TMEM117: variants seen among roughly 807,000 people sequenced by gnomAD.
TMEM117 encodes the protein transmembrane protein 117.
Under a neutral mutation model 52.4 loss-of-function variants are expected in TMEM117, and 27 were observed. That is an observed-to-expected ratio of 0.51 (90% CI 0.38 to 0.71). The LOEUF is 0.71. Among genes scored for constraint, TMEM117 ranks in the 30% least tolerant of loss-of-function variants. TMEM117 has a pLI of 0.00. For missense variants in TMEM117, 556 were observed against 630.5 expected (o/e 0.88, Z 1.26); for synonymous variants, 215 against 206.3 (o/e 1.04, Z -0.36).
chr12:43,830,811 C>T, the TMEM117 span, among the ~76,000 whole-genome samples: 639 of 152,146 alleles, frequency 4.2e-3, 1 homozygote, highest in Middle Eastern at 0.01. Flanking sequence ...ACATACCAGA[C>T]CAAATGCTAA....
chr12:43,880,229 C>T (rs971773569), intron 2 of TMEM117, among the ~76,000 whole-genome samples: 1 of 152,240 alleles, frequency 6.6e-6, no homozygotes, highest in South Asian at 2.1e-4. Flanking sequence ...TACCCACTAT[C>T]GTAAGGCATT....
chr12:43,888,739 G>A (rs1408724993), intron 2 of TMEM117, among the ~76,000 whole-genome samples: 3 of 151,530 alleles, frequency 2.0e-5, no homozygotes, highest in South Asian at 2.1e-4. Context: ...TAGTAGAGAC[G>A]GGGTTTCACC....
At chr12:44,364,712 T>C (rs570675379) in intron 6 of TMEM117, among the ~76,000 whole-genome samples, 1 of 152,164 alleles carries the variant, frequency 6.6e-6, no homozygotes, top group Admixed American at 6.5e-5. Context: ...TAAGATAAAA[T>C]AGTTTGTTAG....
chr12:43,865,019 C>T (rs910105278), intron 2 of TMEM117, among the ~76,000 whole-genome samples: 3 of 152,092 alleles, frequency 2.0e-5, no homozygotes, highest in Admixed American at 6.5e-5. Flanking sequence ...TCTGCAGCTT[C>T]ACTCCTGAGG....
chr12:43,955,783 A>C (rs1945296273), intron 3 of TMEM117, among the ~76,000 whole-genome samples: 1 of 152,224 alleles, frequency 6.6e-6, no homozygotes, highest in Admixed American at 6.5e-5. Flanking sequence ...AATTAGAAAA[A>C]TCTATTTTAA....
chr12:43,996,866 C>T (rs1946040011), intron 3 of TMEM117, among the ~76,000 whole-genome samples: 1 of 152,118 alleles, frequency 6.6e-6, no homozygotes, highest in African/African-American at 2.4e-5. Flanking sequence ...AACTTGGAAC[C>T]TCCCTGGTAG....
At chr12:43,939,105 C>T (rs975019108) in intron 2 of TMEM117, among the ~76,000 whole-genome samples, 17 of 152,106 alleles carry the variant, frequency 1.1e-4, no homozygotes, top group African/African-American at 1.9e-4. Flanking sequence ...TTTTTGTTTT[C>T]GCTTTTGTTA....
intron 4 of TMEM117, among the ~76,000 whole-genome samples, chr12:44,146,781 T>C (rs539366561): frequency 7.9e-5 from 12 of 152,204 alleles, no homozygotes; most frequent in African/African-American, 2.2e-4. Context: ...TGAATATCAA[T>C]GATGAGGGTG....
At chr12:43,847,809 A>C (rs1943235120) in intron 2 of TMEM117, among the ~76,000 whole-genome samples, 1 of 152,128 alleles carries the variant, frequency 6.6e-6, no homozygotes, top group African/African-American at 2.4e-5. Flanking sequence ...GAGGGAGATG[A>C]TGGTCTGGTA....
At chr12:44,375,301 T>G (rs1951926452) in intron 6 of TMEM117, among the ~76,000 whole-genome samples, 1 of 152,172 alleles carries the variant, frequency 6.6e-6, no homozygotes, top group Non-Finnish European at 1.5e-5. Flanking sequence ...CAAGTGGAGG[T>G]GAGACCAACA....
chr12:44,080,440 G>A (rs1308184478), intron 3 of TMEM117, among the ~76,000 whole-genome samples: 1 of 152,122 alleles, frequency 6.6e-6, no homozygotes, highest in African/African-American at 2.4e-5. Flanking sequence ...CTCCCACCAG[G>A]TCCCTCCCAT....
At chr12:44,380,865 C>G (rs1476672322) in intron 7 of TMEM117, among the ~76,000 whole-genome samples, 1 of 152,152 alleles carries the variant, frequency 6.6e-6, no homozygotes, top group African/African-American at 2.4e-5. Context: ...CTACTGTTAT[C>G]TGCTGTCCTG....
chr12:44,069,266 A>G lies in TMEM117; in HGVS notation c.411-74259A>G, dbSNP rs377484750. 8.7e-4 allele frequency among the ~76,000 whole-genome samples: 133 copies of G among 152,298 alleles called. 2 individuals carry two copies. The South Asian group carries it at 0.027, about 30-fold the overall frequency. ...ATGTAAAACCTACACTTTGCAGGATATATATGGGATTTATATTAATTAAAA... is the reference window on the plus strand; with the variant it reads ...ATGTAAAACCTACACTTTGCAGGATGTATATGGGATTTATATTAATTAAAA... On this transcript the variant is annotated intron_variant, in intron 3 of 7. Transcript: ENST00000266534.
chr12:44,060,514 T>C (rs964987392), intron 3 of TMEM117, among the ~76,000 whole-genome samples: 2 of 152,140 alleles, frequency 1.3e-5, no homozygotes, highest in African/African-American at 4.8e-5. Context: ...GGAGGCTGAT[T>C]GTGGAGGGCT....
At chr12:43,953,832 C>A (rs775816855) in intron 3 of TMEM117, among the ~76,000 whole-genome samples, 3 of 152,148 alleles carry the variant, frequency 2.0e-5, no homozygotes, top group Non-Finnish European at 2.9e-5. Context: ...CTCTCCCCCC[C>A]AAAACAACAG....
At chr12:43,945,468 C>T (rs1592383373) in intron 3 of TMEM117, among the ~76,000 whole-genome samples, 1 of 152,078 alleles carries the variant, frequency 6.6e-6, no homozygotes, top group Non-Finnish European at 1.5e-5. Flanking sequence ...TTATAGGCGC[C>T]TGCCACCACA....
intron 5 of TMEM117, among the ~76,000 whole-genome samples, chr12:44,298,053 A>G (rs564836186): frequency 7.0e-6 from 1 of 143,000 alleles, no homozygotes; most frequent in South Asian, 2.1e-4. Flanking sequence ...ATTTTCTAAA[A>G]TTTTAAAAAA....
At chr12:43,959,785 G>T (rs1488798987) in intron 3 of TMEM117, among the ~76,000 whole-genome samples, 1 of 151,912 alleles carries the variant, frequency 6.6e-6, no homozygotes, top group East Asian at 1.9e-4. Context: ...ATTTTGGGAG[G>T]TGGTAAGAAA....
chr12:43,870,941 C>T (rs934580687), intron 2 of TMEM117, among the ~76,000 whole-genome samples: 20 of 151,768 alleles, frequency 1.3e-4, no homozygotes, highest in African/African-American at 3.6e-4. Context: ...CCTGCCATCA[C>T]GCCTGGCTAG....
Sources: allele counts gnomAD v4.1 joint callset (sites outside exome capture counted in the v4.1 genomes callset), GRCh38; gene constraint gnomAD v4.1.1; transcripts MANE v1.5; gene names NCBI Gene and HGNC (gene_info 2026-07-23, HGNC 2026-07-21).